FAM120C: variants seen among roughly 807,000 people sequenced by gnomAD.
The protein encoded by FAM120C is family with sequence similarity 120 member C.
Under a neutral mutation model 71.2 loss-of-function variants are expected in FAM120C, and 14 were observed. The observed-to-expected ratio is 0.20, with a 90% CI of 0.13 to 0.31. FAM120C has a LOEUF of 0.31. Among genes scored for constraint, FAM120C ranks in the 10% least tolerant of loss-of-function variants. The pLI is 1.00. For synonymous variants in FAM120C, 354 were observed against 353.2 expected (o/e 1.00, Z -0.03); for missense variants, 500 against 879.0 (o/e 0.57, Z 5.45).
intron 13 of FAM120C, among the ~76,000 whole-genome samples, chrX:54,084,049 G>A (rs1349553735): frequency 9.0e-6 from 1 of 111,235 alleles, no homozygotes; most frequent in Non-Finnish European, 1.9e-5. Flanking sequence ...AGAGGGACAA[G>A]AAAGACTTGC....
At chrX:54,128,898 G>A (rs1389856853) in intron 9 of FAM120C, among the ~76,000 whole-genome samples, 16 of 110,470 alleles carry the variant, frequency 1.4e-4, no homozygotes, top group Admixed American at 3.8e-4. Flanking sequence ...GCAACCATCC[G>A]ATTTCTCAAT....
chrX:54,146,670 A>T (rs782604938), intron 4 of FAM120C, among the ~76,000 whole-genome samples: 11 of 111,563 alleles, frequency 9.9e-5, no homozygotes, highest in Non-Finnish European at 1.7e-4. Context: ...AACAGAGTGA[A>T]ACTCTGTCTC....
chrX:54,078,129 G>A (rs1241700696), intron 15 of FAM120C, among the ~76,000 whole-genome samples: 3 of 104,396 alleles, frequency 2.9e-5, no homozygotes. Flanking sequence ...ATTTTTAGTA[G>A]AGACGGGGTT....
rs1042738090 is a variant in FAM120C at position 54,071,658 on chromosome X, C to G, written c.*1375G>C. The G allele has an allele frequency of 8.9e-6, 1 of 112,004 alleles. No homozygotes were observed. The highest frequency in any genetic ancestry group is 3.2e-5 in the African/African-American group (1 of 30,823). The allele number at this position is 112,004 out of a possible 1,213,427, so 9.2% of individuals were successfully genotyped here. ...TTCATAAGGAAATGCCCAACTCTTC[C>G]CAATCCCATTCCAACCTCCTGTTTT... On this transcript the variant is annotated 3_prime_UTR_variant, in exon 16 of 16. Transcript: ENST00000375180.
chrX:54,176,745 T>C (rs1263626810), intron 1 of FAM120C, among the ~76,000 whole-genome samples: 1 of 112,133 alleles, frequency 8.9e-6, no homozygotes, highest in Non-Finnish European at 1.9e-5. Flanking sequence ...AAGCCCTCTG[T>C]AGTGATTCAG....
chrX:54,135,529 A>G lies in FAM120C; in HGVS notation c.1334T>C (p.Met445Thr). The G allele has an allele frequency of 8.3e-7, 1 of 1,208,703 alleles. No homozygotes were observed. Among genetic ancestry groups the G allele is most frequent in the Admixed American group, 2.2e-5 (1 of 45,838 alleles). Residue 445 changes from methionine to threonine, a missense_variant and splice_region_variant, in exon 6 of 16, where the codon ATG becomes ACG. Coordinates refer to ENST00000375180, the MANE Select transcript of FAM120C (RefSeq NM_017848.6). ...TCAGGCTTCTTAAAGGATGCTTACC[A>G]TTGGCTTTCCAGCAGAAATGGTGCC... ...QVGTISAGKP[M>T]FSHQVPQKVK...
chrX:54,115,479 G>A (rs1290012638), intron 10 of FAM120C, among the ~76,000 whole-genome samples: 2 of 111,973 alleles, frequency 1.8e-5, no homozygotes, highest in African/African-American at 3.2e-5. Context: ...AATGAAACAC[G>A]TATTGTTCAC....
intron 9 of FAM120C, among the ~76,000 whole-genome samples, chrX:54,129,143 C>T (rs782464453): frequency 1.9e-5 from 2 of 105,477 alleles, no homozygotes; most frequent in Admixed American, 9.9e-5. Context: ...CCGGCCGGGG[C>T]GGCTGGCCTG....
chrX:54,171,504 TAA>T (rs2067288142), intron 1 of FAM120C: 1 of 112,580 alleles, frequency 8.9e-6, no homozygotes, highest in African/African-American at 3.2e-5. Context: ...ATTAACGACA[TAA>T]GTGAAAAACT....
chrX:54,130,688 G>A (rs2067061792), intron 9 of FAM120C, among the ~76,000 whole-genome samples: 1 of 111,163 alleles, frequency 9.0e-6, no homozygotes, highest in Admixed American at 9.6e-5. Flanking sequence ...TTACAGCCTG[G>A]GCAAGTATGG....
intron 10 of FAM120C, among the ~76,000 whole-genome samples, chrX:54,091,645 C>A (rs1408653619): frequency 1.8e-5 from 2 of 111,360 alleles, no homozygotes; most frequent in Non-Finnish European, 3.8e-5. Context: ...GTGTTAAGTA[C>A]CAAGATGGAA....
intron 1 of FAM120C, among the ~76,000 whole-genome samples, chrX:54,165,843 C>G (rs782112623): frequency 1.8e-5 from 2 of 110,073 alleles, no homozygotes; most frequent in Non-Finnish European, 3.8e-5. Context: ...TTTGTATAAT[C>G]TCAGAGTGGG....
chrX:54,133,350 G>A (rs981796009), intron 8 of FAM120C, among the ~76,000 whole-genome samples: 9 of 111,945 alleles, frequency 8.0e-5, no homozygotes, highest in Non-Finnish European at 1.7e-4. Context: ...ATAAAATAAA[G>A]TCTCAACAAT....
intron 10 of FAM120C, among the ~76,000 whole-genome samples, chrX:54,100,593 G>T (rs2066877497): frequency 1.8e-5 from 2 of 112,069 alleles, no homozygotes; most frequent in Admixed American, 9.6e-5. Flanking sequence ...AGGACTGCTT[G>T]AGCCCAGGAG....
chrX:54,164,045 G>A (rs1465131056), intron 1 of FAM120C, among the ~76,000 whole-genome samples: 6 of 109,449 alleles, frequency 5.5e-5, no homozygotes, highest in Non-Finnish European at 1.1e-4. Context: ...CGATCCTCCT[G>A]CCTTAGCCCC....
chrX:54,167,894 G>C (rs942344120), intron 1 of FAM120C, among the ~76,000 whole-genome samples: 1 of 108,129 alleles, frequency 9.2e-6, no homozygotes, highest in African/African-American at 3.4e-5. Flanking sequence ...CTTGAACCCG[G>C]GAGGTGGAGG....
At chrX:54,109,255 A>G (rs1191801203) in intron 10 of FAM120C, among the ~76,000 whole-genome samples, 44 of 65,779 alleles carry the variant, frequency 6.7e-4, no homozygotes, top group African/African-American at 2.6e-3. Flanking sequence ...CTTAGACTCC[A>G]TAACTGTAAG....
intron 3 of FAM120C, among the ~76,000 whole-genome samples, chrX:54,155,606 A>G (rs930272701): frequency 8.9e-6 from 1 of 111,742 alleles, no homozygotes; most frequent in Admixed American, 9.6e-5. Context: ...GGAGTTTTCT[A>G]TAAGAAGAAA....
intron 10 of FAM120C, among the ~76,000 whole-genome samples, chrX:54,114,193 C>T (rs976618146): frequency 9.0e-6 from 1 of 110,794 alleles, no homozygotes; most frequent in Non-Finnish European, 1.9e-5. Flanking sequence ...CATGCTCTCA[C>T]TTATAAGTGG....
Sources: allele counts gnomAD v4.1 joint callset (sites outside exome capture counted in the v4.1 genomes callset), GRCh38; gene constraint gnomAD v4.1.1; transcripts MANE v1.5; gene names NCBI Gene and HGNC (gene_info 2026-07-23, HGNC 2026-07-21).